Variants in PCED1B observed in about 807,000 individuals in gnomAD.
The protein encoded by PCED1B is PC-esterase domain-containing protein 1B.
For synonymous variants in PCED1B, 251 were observed against 246.1 expected, an observed-to-expected ratio of 1.02 and a Z score of -0.19; for missense variants, 573 against 573.9, an observed-to-expected ratio of 1.00 and a Z score of 0.02.
chr12:47,089,466 A>ATATATATG (rs1938159870), intron 1 of PCED1B, among the ~76,000 whole-genome samples: 14 of 87,656 alleles, frequency 1.6e-4, no homozygotes, highest in Non-Finnish European at 2.5e-4. Flanking sequence ...AAATACATAT[A>ATATATATG]TATATATATA....
At chr12:47,174,030 A>G (rs1470199953) in intron 2 of PCED1B, among the ~76,000 whole-genome samples, 1 of 152,214 alleles carries the variant, frequency 6.6e-6, no homozygotes, top group Non-Finnish European at 1.5e-5. Context: ...CTGTAATCCC[A>G]GCACTTTGGA....
At chr12:47,143,797 A>AGAGGATCGTACTTCTT (rs59622634) in intron 2 of PCED1B, among the ~76,000 whole-genome samples, 1 of 151,642 alleles carries the variant, frequency 6.6e-6, no homozygotes. Flanking sequence ...GAACAAAGCT[A>AGAGGATCGTACTTCTT]GACTTCAAAT....
intron 3 of PCED1B, among the ~76,000 whole-genome samples, chr12:47,229,306 C>G (rs1446846136): frequency 6.6e-6 from 1 of 151,236 alleles, no homozygotes; most frequent in South Asian, 2.1e-4. Flanking sequence ...CCTAGCTACT[C>G]GGGAGGCCAA....
At chr12:47,217,458 AAAAGAAAG>A (rs71077131) in intron 3 of PCED1B, among the ~76,000 whole-genome samples, 1 of 100,018 alleles carries the variant, frequency 1.0e-5, no homozygotes, top group Admixed American at 9.5e-5. Context: ...GAAAGAAAGA[AAAAGAAAG>A]AAAGAGAAAG....
intron 2 of PCED1B, among the ~76,000 whole-genome samples, chr12:47,214,103 A>G (rs1456914451): frequency 6.6e-6 from 1 of 152,204 alleles, no homozygotes; most frequent in Non-Finnish European, 1.5e-5. Context: ...ATAAAATACT[A>G]AAGCTATCAG....
chr12:47,123,520 G>A (rs1939764504), intron 2 of PCED1B, among the ~76,000 whole-genome samples: 1 of 151,980 alleles, frequency 6.6e-6, no homozygotes, highest in Middle Eastern at 3.4e-3. Context: ...CAGTTTCATA[G>A]AATCAACAAA....
chr12:47,192,316 G>A (rs1942470604), intron 2 of PCED1B, among the ~76,000 whole-genome samples: 1 of 151,992 alleles, frequency 6.6e-6, no homozygotes, highest in Non-Finnish European at 1.5e-5. Context: ...AGGCTGCAGA[G>A]AACAGGGAGT....
intron 2 of PCED1B, among the ~76,000 whole-genome samples, chr12:47,154,052 G>A (rs952967): frequency 0.22 from 33,451 of 152,146 alleles, 4,717 homozygotes; most frequent in Non-Finnish European, 0.32. Context: ...TCATTGATGG[G>A]AGACAGTTCT....
At chr12:47,193,687 T>C (rs1204412593) in intron 2 of PCED1B, among the ~76,000 whole-genome samples, 1 of 152,192 alleles carries the variant, frequency 6.6e-6, no homozygotes, top group Admixed American at 6.5e-5. Flanking sequence ...TAGAATTATA[T>C]TTTCTCCCCG....
intron 3 of PCED1B, among the ~76,000 whole-genome samples, chr12:47,229,755 C>T (rs145568067): frequency 8.1e-4 from 123 of 152,044 alleles, no homozygotes; most frequent in African/African-American, 2.1e-3. Context: ...TAGAGGCAAC[C>T]AACAAGTAAT....
Position 47,235,736 on chromosome 12 carries a change from C to A in PCED1B, c.673C>A (p.Leu225Met). ...HFHFRHARENLHWDGVHWNGR... is the reference protein window; with the variant it reads ...HFHFRHARENMHWDGVHWNGR... ...CCACTTCCGCCACGCGAGGGAGAAC[C>A]TGCACTGGGACGGGGTGCACTGGAA... Residue 225 changes from leucine to methionine, a missense_variant, in exon 4 of 4, where the codon CTG (leucine) becomes ATG (methionine). Leu to Met is a conservative substitution (Grantham distance 15, BLOSUM62 2). Transcript: ENST00000546455. The A allele has an allele frequency of 6.2e-7, 1 of 1,608,220 alleles. No individual in the cohort carries two copies. The highest frequency in any genetic ancestry group is 1.1e-5 in the South Asian group (1 of 90,204).
At chr12:47,105,149 G>T (rs1329732069) in intron 2 of PCED1B, among the ~76,000 whole-genome samples, 22 of 152,200 alleles carry the variant, frequency 1.4e-4, no homozygotes, top group Non-Finnish European at 3.1e-4. Flanking sequence ...CCTTCAAGAT[G>T]CAGAGTTCAG....
At chr12:47,157,017 G>A (rs573218594) in intron 2 of PCED1B, among the ~76,000 whole-genome samples, 42 of 152,192 alleles carry the variant, frequency 2.8e-4, no homozygotes, top group African/African-American at 9.4e-4. Flanking sequence ...AGTAAAACTT[G>A]TCTCCTTCTA....
chr12:47,174,174 G>A (rs1012825977), intron 2 of PCED1B, among the ~76,000 whole-genome samples: 1 of 151,952 alleles, frequency 6.6e-6, no homozygotes, highest in South Asian at 2.1e-4. Flanking sequence ...TTTGGAAGTC[G>A]GAGGAGGGTG....
chr12:47,119,321 C>G (rs1039973107), intron 2 of PCED1B, among the ~76,000 whole-genome samples: 1 of 151,906 alleles, frequency 6.6e-6, no homozygotes, highest in South Asian at 2.1e-4. Flanking sequence ...TACTTGTGAC[C>G]TTAGATTTGG....
chr12:47,214,176 C>T (rs1048085527), intron 2 of PCED1B, among the ~76,000 whole-genome samples: 3 of 152,114 alleles, frequency 2.0e-5, no homozygotes, highest in African/African-American at 7.2e-5. Flanking sequence ...TCATGGGGAA[C>T]TGCAAGATAA....
At chr12:47,169,850 G>A (rs756134768) in intron 2 of PCED1B, among the ~76,000 whole-genome samples, 3 of 114,576 alleles carry the variant, frequency 2.6e-5, no homozygotes, top group Non-Finnish European at 3.5e-5. Flanking sequence ...GTGAGACCCT[G>A]TCTCAAAAAA....
At chr12:47,163,750 GA>G (rs1336656310) in intron 2 of PCED1B, among the ~76,000 whole-genome samples, 1 of 152,172 alleles carries the variant, frequency 6.6e-6, no homozygotes, top group African/African-American at 2.4e-5. Context: ...AGTTTATAAA[GA>G]AAAGAGATTT....
At chr12:47,160,764 A>G (rs1041319918) in intron 2 of PCED1B, among the ~76,000 whole-genome samples, 1 of 152,178 alleles carries the variant, frequency 6.6e-6, no homozygotes, top group Non-Finnish European at 1.5e-5. Context: ...TAAAACTCAT[A>G]TTGAAACCTT....
Sources: allele counts gnomAD v4.1 joint callset (sites outside exome capture counted in the v4.1 genomes callset), GRCh38; gene constraint gnomAD v4.1.1; transcripts MANE v1.5; gene names NCBI Gene and HGNC (gene_info 2026-07-23, HGNC 2026-07-21).